The following CASR variants were observed in gnomAD, a reference collection of about 807,000 sequenced individuals.
The protein encoded by CASR is extracellular calcium-sensing receptor.
In CASR, 23 loss-of-function variants were observed where a neutral mutation model predicts 69.1. The observed-to-expected ratio is 0.33, with a 90% CI of 0.24 to 0.47. CASR has a LOEUF of 0.47. Among genes scored for constraint, CASR ranks in the 20% least tolerant of loss-of-function variants. The pLI is 1.00. For missense variants in CASR, 924 were observed against 1,356.1 expected, an observed-to-expected ratio of 0.68 and a Z score of 5.00; for synonymous variants, 541 against 544.7, an observed-to-expected ratio of 0.99 and a Z score of 0.10.
Position 122,284,888 on chromosome 3 carries a change from C to A in CASR, c.2934C>A (p.Ser978Arg). 1 of 1,614,202 alleles carries A rather than the reference C, an allele frequency of 6.2e-7. No homozygotes were observed. The highest frequency in any genetic ancestry group is 8.5e-7 in the Non-Finnish European group (1 of 1,180,018). ...FGSGTVTFSLSFDEPQKNAMA... is the reference protein window; with the variant it reads ...FGSGTVTFSLRFDEPQKNAMA... ...GCGGCACGGTCACCTTCTCACTGAG[C>A]TTTGATGAGCCTCAGAAGAACGCCA... is the stretch of plus-strand genomic sequence containing the variant. Residue 978 changes from serine to arginine, a missense_variant, in exon 7 of 7, where the codon AGC becomes AGA. Ser to Arg is a moderately radical substitution (Grantham distance 110). Around this residue, in one of 8 missense-constraint regions of CASR, gnomAD observed 201 missense variants for 228.8 expected, o/e 0.88. Transcript: ENST00000639785.
At chr3:122,226,669 T>C (rs1469065616) in intron 1 of CASR, among the ~76,000 whole-genome samples, 1 of 151,738 alleles carries the variant, frequency 6.6e-6, no homozygotes, top group Non-Finnish European at 1.5e-5. Context: ...ATACAGAGTG[T>C]CAATTGGTGT....
At chr3:122,253,471 G>C (rs1398059826) in intron 1 of CASR, among the ~76,000 whole-genome samples, 2 of 152,166 alleles carry the variant, frequency 1.3e-5, no homozygotes, top group Non-Finnish European at 2.9e-5. Context: ...TTGAACTCCT[G>C]ACCTCAGGTT....
chr3:122,262,952 T>C (rs1183542016), intron 4 of CASR, among the ~76,000 whole-genome samples: 1 of 152,174 alleles, frequency 6.6e-6, no homozygotes, highest in African/African-American at 2.4e-5. Context: ...TGTAAAAAGA[T>C]TTGATATTGA....
chr3:122,279,094 CTCT>C (rs2074856423), intron 5 of CASR, among the ~76,000 whole-genome samples: 1 of 152,148 alleles, frequency 6.6e-6, no homozygotes, highest in South Asian at 2.1e-4. Context: ...ATCCTTTGCT[CTCT>C]TCTTCATCCC....
chr3:122,194,861 C>T (rs17282015), intron 1 of CASR, among the ~76,000 whole-genome samples: 43,694 of 152,070 alleles, frequency 0.29, 7,040 homozygotes, highest in Non-Finnish European at 0.36. Flanking sequence ...TATGGAGCTA[C>T]TTTCTGCAGT....
intron 1 of CASR, among the ~76,000 whole-genome samples, chr3:122,209,980 CA>C (rs776284963): frequency 1.3e-5 from 2 of 152,120 alleles, no homozygotes; most frequent in Non-Finnish European, 2.9e-5. Context: ...GAACTAAAGA[CA>C]AAAACCACAT....
Position 122,261,710 on chromosome 3 carries a change from A to G in CASR, c.675A>G (p.Lys225=), listed in dbSNP as rs202226622. ...DDDYGRPGIE[K]FREEAEERDI... is the part of the protein sequence containing the mutation. ...ACTATGGGCGGCCGGGGATTGAGAAATTCCGAGAGGAAGCTGAGGAAAGGG... is the reference window on the plus strand; with the variant it reads ...ACTATGGGCGGCCGGGGATTGAGAAGTTCCGAGAGGAAGCTGAGGAAAGGG... Residue 225 remains lysine, a synonymous_variant, in exon 4 of 7, where the codon AAA becomes AAG. Transcript: ENST00000639785. 1.5e-5 allele frequency: 24 copies of G among 1,614,106 alleles called. No individual in the cohort carries two copies. The highest frequency in any genetic ancestry group is 4.5e-5 in the East Asian group (2 of 44,896).
chr3:122,239,700 T>C (rs1028221629), intron 1 of CASR, among the ~76,000 whole-genome samples: 5 of 152,132 alleles, frequency 3.3e-5, no homozygotes, highest in Admixed American at 2.6e-4. Context: ...CACCTCCAGC[T>C]CCAGGAACCT....
At chr3:122,187,964 G>T (rs1367690289) in intron 1 of CASR, among the ~76,000 whole-genome samples, 1 of 152,138 alleles carries the variant, frequency 6.6e-6, no homozygotes. Flanking sequence ...GTAATTAATG[G>T]TAATAAAGGT....
At chr3:122,270,937 T>G (rs1371785388) in intron 4 of CASR, among the ~76,000 whole-genome samples, 1 of 152,218 alleles carries the variant, frequency 6.6e-6, no homozygotes, top group Non-Finnish European at 1.5e-5. Flanking sequence ...TTATAAATAT[T>G]TTGTGTTCTT....
At position 122,276,056 on chromosome 3, in the gene CASR, A is replaced by C; in HGVS notation, c.1608+14A>C. 1 of 1,544,682 alleles carries C rather than the reference A, an allele frequency of 6.5e-7. No individual in the cohort carries two copies. The highest frequency in any genetic ancestry group is 2.2e-5 in the East Asian group (1 of 44,566). On this transcript the variant is annotated intron_variant, in intron 5 of 6. Transcript: ENST00000639785. ...TTCTCCAGGGAGGTAGGTGCTGTCC[A>C]TCAGAAAACCAGATGTCTCCACCAG...
chr3:122,291,416 G>A lies in CASR; in HGVS notation c.*6225G>A, dbSNP rs553864342. ...GTTGTTTCCTGACTTTTTAATGATC[G>A]CCATTCTAACTGGTGTGAGATGGTA... is the stretch of plus-strand genomic sequence containing the variant. On this transcript the variant is annotated 3_prime_UTR_variant, in exon 7 of 7. Transcript: ENST00000639785. The A allele has an allele frequency of 3.3e-5, 5 of 151,544 alleles. No individual in the cohort carries two copies. The highest frequency in any genetic ancestry group is 1.9e-4 in the East Asian group (1 of 5,144). 9.4% of individuals were successfully genotyped at this position (151,544 alleles called of 1,614,324 possible). A position where few individuals can be genotyped will look rare whatever the true frequency, so the allele number is the denominator to read the frequency against.
At chr3:122,190,581 T>C (rs2073830529) in intron 1 of CASR, among the ~76,000 whole-genome samples, 1 of 152,208 alleles carries the variant, frequency 6.6e-6, no homozygotes, top group African/African-American at 2.4e-5. Context: ...TTAAAAGACT[T>C]ATATGAGCTA....
Position 122,267,042 on chromosome 3 carries a change from C to G in CASR, c.1377+4630C>G, listed in dbSNP as rs530806977. Among the ~76,000 whole-genome samples the G allele has an allele frequency of 5.3e-5, 8 of 152,238 alleles. No individual in the cohort carries two copies. In the East Asian group the frequency reaches 1.5e-3, roughly 29 times the overall value. ...AAATAATAAAAAGAGTGTTCTCTCT[C>G]GGGCAGATATCTAAATTATCTTCTA... On this transcript the variant is annotated intron_variant, in intron 4 of 6. Transcript: ENST00000639785.
At position 122,288,192 on chromosome 3, in the gene CASR, A is replaced by G. The variant is rs2074985776; in HGVS notation, c.*3001A>G. 6.6e-6 allele frequency: 1 copy of G among 152,252 alleles called. No homozygotes were observed. Among genetic ancestry groups the G allele is most frequent in the African/African-American group, 2.4e-5 (1 of 41,466 alleles). The allele number at this position is 152,252 out of a possible 1,614,324, so 9.4% of individuals were successfully genotyped here. ...GTCAGTGTGAGAGCAATACAGTATGAGAAAAACACCACTGGCCTGTACTGC... is the reference window on the plus strand; with the variant it reads ...GTCAGTGTGAGAGCAATACAGTATGGGAAAAACACCACTGGCCTGTACTGC... On this transcript the variant is annotated 3_prime_UTR_variant, in exon 7 of 7. Coordinates refer to ENST00000639785, the MANE Select transcript of CASR (RefSeq NM_000388.4).
intron 1 of CASR, among the ~76,000 whole-genome samples, chr3:122,230,632 A>C (rs1559946111): frequency 1.3e-5 from 2 of 152,214 alleles, no homozygotes; most frequent in Non-Finnish European, 2.9e-5. Flanking sequence ...GGACTTGGAA[A>C]GGAACCAGGA....
intron 1 of CASR, among the ~76,000 whole-genome samples, chr3:122,187,604 A>T (rs538244257): frequency 1.3e-5 from 2 of 152,204 alleles, no homozygotes; most frequent in Admixed American, 1.3e-4. Context: ...GGGAGTGGTC[A>T]ATTCTACCAA....
At chr3:122,225,922 A>C (rs181484871) in intron 1 of CASR, among the ~76,000 whole-genome samples, 26 of 152,346 alleles carry the variant, frequency 1.7e-4, no homozygotes, top group Admixed American at 1.6e-3. Context: ...TATCCTTTGC[A>C]GCAACATGGA....
intron 5 of CASR, among the ~76,000 whole-genome samples, chr3:122,281,761 A>G (rs909804135): frequency 5.3e-5 from 8 of 151,980 alleles, no homozygotes. Flanking sequence ...ATGTCCTTTG[A>G]GTCTGTTGTC....
Sources: gnomAD v4.1 joint callset for allele counts (sites outside exome capture counted in the v4.1 genomes callset) on GRCh38, gnomAD v4.1.1 for gene constraint, gnomAD v4.1.1 regional missense constraint, MANE v1.5 for transcripts, NCBI Gene and HGNC (gene_info 2026-07-23, HGNC 2026-07-21) for gene names.